Variants in PCDHGB1 observed in about 807,000 individuals in gnomAD.
PCDHGB1 encodes protocadherin gamma subfamily B, 1, also known as protocadherin gamma-B1.
In PCDHGB1, 34 loss-of-function variants were observed where a neutral mutation model predicts 56.6. The observed-to-expected ratio is 0.60, with a 90% CI of 0.46 to 0.80. The LOEUF is 0.80. Among genes scored for constraint, PCDHGB1 ranks in the 30% least tolerant of loss-of-function variants. The pLI is 0.00. For missense variants in PCDHGB1, 1,278 were observed against 1,204.6 expected (o/e 1.06, Z -0.90); for synonymous variants, 561 against 505.9 (o/e 1.11, Z -1.46).
intron 1 of PCDHGB1, chr5:141,371,031 A>G (rs1561549182): frequency 1.2e-6 from 2 of 1,613,872 alleles, no homozygotes; most frequent in East Asian, 2.2e-5. Flanking sequence ...CCTGGTCCTC[A>G]CAGCTGTGGA....
At chr5:141,415,740 G>GTTTTTTTTTTTTTTTTTTGTTTTTTTTT in intron 1 of PCDHGB1, 1 of 617,992 alleles carries the variant, frequency 1.6e-6, no homozygotes, top group Non-Finnish European at 2.1e-6. Flanking sequence ...GTTTATTAAG[G>GTTTTTTTTTTTTTTTTTTGTTTTTTTTT]TTTTTTTTTT....
At position 141,364,360 on chromosome 5, in the gene PCDHGB1, C is replaced by G. The variant is rs200312693; in HGVS notation, c.2409+11691C>G. 3.8e-6 allele frequency: 6 copies of G among 1,558,464 alleles called. No individual in the cohort carries two copies. The highest frequency in any genetic ancestry group is 1.7e-4 in the Middle Eastern group (1 of 5,766). On this transcript the variant is annotated intron_variant, in intron 1 of 3. Coordinates refer to ENST00000523390, the MANE Select transcript of PCDHGB1 (RefSeq NM_018922.3). ...CGAGTCCACCTAGGGGCTGGGGCTGCGGAGAGCTGCTGCTGCCCTTCATGC... is the reference window on the plus strand; with the variant it reads ...CGAGTCCACCTAGGGGCTGGGGCTGGGGAGAGCTGCTGCTGCCCTTCATGC...
chr5:141,477,344 A>C lies in PCDHGB1; in HGVS notation c.2410-17463A>C. On this transcript the variant is annotated intron_variant, in intron 1 of 3. Coordinates refer to ENST00000523390, the MANE Select transcript of PCDHGB1 (RefSeq NM_018922.3). The surrounding 1 kb of genome is among the most constrained non-coding windows in gnomAD (Gnocchi z 4.9). Reference sequence around the variant, plus strand: ...TTCCCTCAAGAATTACTTCACTTTGAAAACCAGTGCAGACCTGGATCGGGA... The same window carrying C: ...TTCCCTCAAGAATTACTTCACTTTGCAAACCAGTGCAGACCTGGATCGGGA... 6.2e-7 allele frequency: 1 copy of C among 1,614,154 alleles called. No homozygotes were observed. The highest frequency in any genetic ancestry group is 8.5e-7 in the Non-Finnish European group (1 of 1,180,034).
Position 141,490,888 on chromosome 5 carries a change from C to G in PCDHGB1, c.2410-3919C>G. The G allele has an allele frequency of 1.2e-6, 2 of 1,613,358 alleles. No individual in the cohort carries two copies. The highest frequency in any genetic ancestry group is 1.7e-6 in the Non-Finnish European group (2 of 1,179,390). On this transcript the variant is annotated intron_variant, in intron 1 of 3. Transcript: ENST00000523390. This position sits in a 1 kb window ranked among gnomAD's most constrained non-coding sequence, Gnocchi z 5.4. Reference sequence around the variant, plus strand: ...TCCCCCATTGCATGCCAACACATCTCTGCATGTGTTTGTCCTAGACGAGAA... The same window carrying G: ...TCCCCCATTGCATGCCAACACATCTGTGCATGTGTTTGTCCTAGACGAGAA...
At chr5:141,364,344 C>G (rs1588595185) in intron 1 of PCDHGB1, 1 of 1,542,476 alleles carries the variant, frequency 6.5e-7, no homozygotes, top group Non-Finnish European at 8.7e-7. Flanking sequence ...GCGAGTCCAC[C>G]TAGGGGCTGG....
At chr5:141,429,387 T>TTA (rs775632416) in intron 1 of PCDHGB1, among the ~76,000 whole-genome samples, 40 of 151,448 alleles carry the variant, frequency 2.6e-4, no homozygotes, top group African/African-American at 7.0e-4. Context: ...GTTTTTTTTT[T>TTA]AAAAAAAATT....
Position 141,477,818 on chromosome 5 carries a change from C to T in PCDHGB1, c.2410-16989C>T, listed in dbSNP as rs202009040. 33 of 1,614,040 alleles carry T rather than the reference C, an allele frequency of 2.0e-5. No homozygotes were observed. The highest frequency in any genetic ancestry group is 1.3e-4 in the Admixed American group (8 of 60,006). On this transcript the variant is annotated intron_variant, in intron 1 of 3. Transcript: ENST00000523390. This position sits in a 1 kb window ranked among gnomAD's most constrained non-coding sequence, Gnocchi z 4.9. ...TCGCAATGACAATGCCCCCCAGGTCCTATATCCTCGGCCAGGTGGGAGCTC... is the reference window on the plus strand; with the variant it reads ...TCGCAATGACAATGCCCCCCAGGTCTTATATCCTCGGCCAGGTGGGAGCTC...
intron 1 of PCDHGB1, chr5:141,361,783 G>A (rs375966726): frequency 7.7e-5 from 125 of 1,613,126 alleles, no homozygotes; most frequent in Admixed American, 3.0e-4. Flanking sequence ...GAGCCTGCGC[G>A]TGTTAGTGGG....
At position 141,432,727 on chromosome 5, in the gene PCDHGB1, C is replaced by T; in HGVS notation, c.2410-62080C>T. 6.2e-7 allele frequency: 1 copy of T among 1,614,090 alleles called. No individual in the cohort carries two copies. Among genetic ancestry groups the T allele is most frequent in the Non-Finnish European group, 8.5e-7 (1 of 1,179,996 alleles). ...ACCACGGCCAGCCCCCTCTCTCCGC[C>T]ACTGTCACGCTCACCGTGGCCGTGG... On this transcript the variant is annotated intron_variant, in intron 1 of 3. Transcript: ENST00000523390. The surrounding 1 kb of genome is among the most constrained non-coding windows in gnomAD (Gnocchi z 6.0).
At position 141,350,890 on chromosome 5, in the gene PCDHGB1, T is replaced by G. The variant is rs1196284967; in HGVS notation, c.630T>G (p.Thr210=). Residue 210 remains threonine, a synonymous_variant, in exon 1 of 4, where the codon ACT becomes ACG. Coordinates refer to ENST00000523390, the MANE Select transcript of PCDHGB1 (RefSeq NM_018922.3). ...AGAGCTCTCATCGCTTAATCCTGAC[T>G]GCCATGGATGGCGGGGACCCGCCTC... The part of the protein sequence containing the change: ...EHQSSHRLIL[T]AMDGGDPPLS... The G allele has an allele frequency of 3.7e-6, 6 of 1,613,946 alleles. No homozygotes were observed. Among genetic ancestry groups the G allele is most frequent in the Non-Finnish European group, 5.1e-6 (6 of 1,179,912 alleles).
In PCDHGB1 at chr5:141,512,443, CCTT is replaced by C. The variant is rs1263805618; in HGVS notation, c.*1272_*1274del. On this transcript the variant is annotated 3_prime_UTR_variant, in exon 4 of 4. Coordinates refer to ENST00000523390, the MANE Select transcript of PCDHGB1 (RefSeq NM_018922.3). ...GCCCCTGCCCTCCTGAAGCCTCAGT[CCTT>C]CACCTTGCCAGGTGCCGTTTCTCTT... The C allele has an allele frequency of 1.3e-5, 2 of 152,896 alleles. No homozygotes were observed. The highest frequency in any genetic ancestry group is 4.8e-5 in the African/African-American group (2 of 41,468). 9.5% of individuals were successfully genotyped at this position (152,896 alleles called of 1,614,324 possible).
intron 1 of PCDHGB1, chr5:141,422,092 G>C: frequency 6.2e-7 from 1 of 1,611,520 alleles, no homozygotes; most frequent in Non-Finnish European, 8.5e-7. Flanking sequence ...GGAAAGCAAG[G>C]CTTCTGAAAT....
At chr5:141,478,063 A>G in intron 1 of PCDHGB1, 1 of 1,614,168 alleles carries the variant, frequency 6.2e-7, no homozygotes, top group Non-Finnish European at 8.5e-7. Context: ...TCTTGATCAA[A>G]GACAATGGGG....
intron 1 of PCDHGB1, among the ~76,000 whole-genome samples, chr5:141,358,290 T>G (rs528714629): frequency 2.0e-5 from 3 of 152,376 alleles, no homozygotes; most frequent in Admixed American, 1.3e-4. Context: ...AAGGCAATTG[T>G]GTAAATTCAC....
At chr5:141,419,184 T>A in intron 1 of PCDHGB1, 1 of 1,613,938 alleles carries the variant, frequency 6.2e-7, no homozygotes, top group Non-Finnish European at 8.5e-7. Context: ...ACCCTGCACA[T>A]TACTGACGTC....
chr5:141,392,745 G>A, intron 1 of PCDHGB1: 1 of 1,441,296 alleles, frequency 6.9e-7, no homozygotes, highest in African/African-American at 1.4e-5. Flanking sequence ...CCATAGCTGC[G>A]GCAAGAAACT....
chr5:141,510,880 G>T (rs373993657), intron 3 of PCDHGB1, 67 bp from the exon 4 acceptor site: 1 of 1,611,902 alleles, frequency 6.2e-7, no homozygotes. Context: ...AACTGCTGGG[G>T]ATATAAGACA....
At chr5:141,502,191 A>G (rs2099813218) in intron 2 of PCDHGB1, among the ~76,000 whole-genome samples, 1 of 152,170 alleles carries the variant, frequency 6.6e-6, no homozygotes, top group Non-Finnish European at 1.5e-5. Flanking sequence ...TAATACAATA[A>G]TATAGAATCC....
chr5:141,360,729 C>G (rs767195567), intron 1 of PCDHGB1: 21 of 1,613,886 alleles, frequency 1.3e-5, no homozygotes, highest in Admixed American at 1.7e-5. Context: ...TTCTAAAACA[C>G]TCTCTGGACA....
Sources: gnomAD v4.1 joint callset for allele counts (sites outside exome capture counted in the v4.1 genomes callset) on GRCh38, gnomAD v4.1.1 for gene constraint, Gnocchi (gnomAD v3.1) non-coding constraint, MANE v1.5 for transcripts, NCBI Gene and HGNC (gene_info 2026-07-23, HGNC 2026-07-21) for gene names.